Variants in SH3PXD2B observed in about 807,000 individuals in gnomAD.
SH3PXD2B encodes SH3 and PX domains 2B.
A neutral mutation model predicts 73.1 loss-of-function variants in SH3PXD2B; 37 were observed. The observed-to-expected ratio is 0.51, with a 90% CI of 0.39 to 0.67. SH3PXD2B has a LOEUF of 0.67. Ranked by LOEUF, SH3PXD2B falls within the 30% of genes least tolerant of loss-of-function variation. The pLI is 0.00. For missense variants in SH3PXD2B, 1,053 were observed against 1,197.8 expected, an observed-to-expected ratio of 0.88 and a Z score of 1.78; for synonymous variants, 457 against 480.5, an observed-to-expected ratio of 0.95 and a Z score of 0.64.
intron 1 of SH3PXD2B, among the ~76,000 whole-genome samples, chr5:172,431,885 C>G (rs188316338): frequency 6.6e-6 from 1 of 152,074 alleles, no homozygotes; most frequent in East Asian, 1.9e-4. Context: ...TTATTTAGGC[C>G]GGGCGCAGTG....
In SH3PXD2B at chr5:172,339,192, G is replaced by A. The variant is rs1192140778; in HGVS notation, c.1913C>T (p.Ser638Phe). 1 of 1,614,244 alleles carries A rather than the reference G, an allele frequency of 6.2e-7. No individual in the cohort carries two copies. The highest frequency in any genetic ancestry group is 1.1e-5 in the South Asian group (1 of 91,080). Residue 638 changes from serine (S) to phenylalanine (F), a missense_variant, in exon 13 of 13, where the codon TCC becomes TTC. Physicochemically the swap from Ser to Phe is radical, Grantham distance 155 (BLOSUM62 -2). Transcript: ENST00000311601. This position sits in a 1 kb window ranked among gnomAD's most constrained non-coding sequence, Gnocchi z 6.1. Reference protein sequence around the residue: ...DATPQNPFLKSRPQVRPKPAP... With the variant: ...DATPQNPFLKFRPQVRPKPAP... ...TGGTTTTGGCCTAACCTGAGGTCTGGACTTCAAGAAGGGATTCTGGGGAGT... is the reference window on the plus strand; with the variant it reads ...TGGTTTTGGCCTAACCTGAGGTCTGAACTTCAAGAAGGGATTCTGGGGAGT...
At chr5:172,328,048 C>G (rs964092462) in intron 12 of SH3PXD2B, among the ~76,000 whole-genome samples, 1 of 95,908 alleles carries the variant, frequency 1.0e-5, no homozygotes, top group African/African-American at 3.4e-5. Context: ...AGCCACCACG[C>G]CCAGCTGTAA....
At chr5:172,377,185 G>T (rs1161750567) in intron 5 of SH3PXD2B, among the ~76,000 whole-genome samples, 1 of 152,162 alleles carries the variant, frequency 6.6e-6, no homozygotes, top group African/African-American at 2.4e-5. Flanking sequence ...GCTCAAGCAG[G>T]TGGGTCATCT....
intron 1 of SH3PXD2B, among the ~76,000 whole-genome samples, chr5:172,428,571 A>G (rs1029535708): frequency 2.6e-5 from 4 of 152,184 alleles, no homozygotes; most frequent in African/African-American, 9.7e-5. Context: ...ACACGGTATC[A>G]AAGTATAACC....
At position 172,454,494 on chromosome 5, in the gene SH3PXD2B, A is replaced by ACCGCCGCCG. The variant is rs1189213273; in HGVS notation, c.-151_-143dup. 4.3e-6 allele frequency: 1 copy of ACCGCCGCCG among 230,104 alleles called. No individual in the cohort carries two copies. Among genetic ancestry groups the ACCGCCGCCG allele is most frequent in the African/African-American group, 2.4e-5 (1 of 41,332 alleles). 14.3% of individuals were successfully genotyped at this position (230,104 alleles called of 1,614,324 possible). A position where few individuals can be genotyped will look rare whatever the true frequency, so the allele number is the denominator to read the frequency against. Reference sequence around the variant, plus strand: ...GGGCCGAGCACGAGCCGCCGCCGCCACCGCCGCCGCCCTTCGCTCGGCGCG... The same window carrying ACCGCCGCCG: ...GGGCCGAGCACGAGCCGCCGCCGCCACCGCCGCCGCCGCCGCCGCCCTTCGCTCGGCGCG... On this transcript the variant is annotated 5_prime_UTR_variant, in exon 1 of 13. Transcript: ENST00000311601.
chr5:172,372,207 G>C (rs1340933718), intron 6 of SH3PXD2B, among the ~76,000 whole-genome samples: 2 of 152,104 alleles, frequency 1.3e-5, no homozygotes, highest in African/African-American at 4.8e-5. Flanking sequence ...TTGGAGGTGG[G>C]GGCTGGTGGG....
chr5:172,334,384 C>T lies in SH3PXD2B; in HGVS notation c.*3985G>A, dbSNP rs1756637976. ...GCCAAGAGAGGGCGCCCTGCACCCTCAGGCCTCGATGCATGCTGCTCTACC... is the reference window on the plus strand; with the variant it reads ...GCCAAGAGAGGGCGCCCTGCACCCTTAGGCCTCGATGCATGCTGCTCTACC... On this transcript the variant is annotated 3_prime_UTR_variant, in exon 13 of 13. Coordinates refer to ENST00000311601, the MANE Select transcript of SH3PXD2B (RefSeq NM_001017995.3). The T allele has an allele frequency of 1.0e-6, 1 of 992,050 alleles. No homozygotes were observed. Among genetic ancestry groups the T allele is most frequent in the African/African-American group, 1.7e-5 (1 of 57,294 alleles). 61.5% of individuals were successfully genotyped at this position (992,050 alleles called of 1,614,324 possible). A position where few individuals can be genotyped will look rare whatever the true frequency, so the allele number is the denominator to read the frequency against.
chr5:172,348,693 A>G (rs1195686346), intron 10 of SH3PXD2B, among the ~76,000 whole-genome samples: 2 of 39,424 alleles, frequency 5.1e-5, no homozygotes, highest in African/African-American at 1.4e-4. Flanking sequence ...CTATCTATCT[A>G]TCTATCTATC....
chr5:172,418,307 C>G (rs868224377), intron 2 of SH3PXD2B, among the ~76,000 whole-genome samples: 4 of 152,214 alleles, frequency 2.6e-5, no homozygotes, highest in Non-Finnish European at 5.9e-5. Flanking sequence ...CCAGCTGTTT[C>G]TATTGTTTTC....
At chr5:172,325,938 C>A (rs528345681) in intron 12 of SH3PXD2B, among the ~76,000 whole-genome samples, 21 of 152,250 alleles carry the variant, frequency 1.4e-4, no homozygotes, top group Non-Finnish European at 2.6e-4. Flanking sequence ...CAGGCATATG[C>A]CGCCAGACCT....
At chr5:172,452,440 AG>A (rs1386450970) in intron 1 of SH3PXD2B, among the ~76,000 whole-genome samples, 1 of 152,170 alleles carries the variant, frequency 6.6e-6, no homozygotes, top group African/African-American at 2.4e-5. Context: ...GAGAAACTAT[AG>A]GGGTACCGGA....
chr5:172,334,334 C>T lies in SH3PXD2B; in HGVS notation c.*4035G>A, dbSNP rs17074644. 0.096 allele frequency: 95,273 copies of T among 995,992 alleles called. 4,650 individuals are homozygous for T. The highest frequency in any genetic ancestry group is 0.13 in the African/African-American group (7,316 of 57,380). 61.7% of individuals were successfully genotyped at this position (995,992 alleles called of 1,614,324 possible). A position where few individuals can be genotyped will look rare whatever the true frequency, so the allele number is the denominator to read the frequency against. ...TGCCTGGGACCCTCGTGGAAACTTA[C>T]TCTAGTTAGGAGCAATTCCTCCAGG... On this transcript the variant is annotated 3_prime_UTR_variant, in exon 13 of 13. Transcript: ENST00000311601.
intron 1 of SH3PXD2B, among the ~76,000 whole-genome samples, chr5:172,423,459 GGA>G (rs989052419): frequency 1.3e-5 from 2 of 151,182 alleles, no homozygotes; most frequent in South Asian, 2.1e-4. Context: ...ACGGTTAGAA[GGA>G]GAGACAATGC....
chr5:172,368,707 A>T (rs1238683301), intron 6 of SH3PXD2B, among the ~76,000 whole-genome samples: 17 of 86,478 alleles, frequency 2.0e-4, no homozygotes, highest in Non-Finnish European at 3.4e-4. Flanking sequence ...AAATATATAT[A>T]TATTATATAT....
chr5:172,326,030 G>A (rs1012654478), intron 12 of SH3PXD2B, among the ~76,000 whole-genome samples: 2 of 152,070 alleles, frequency 1.3e-5, no homozygotes, highest in African/African-American at 2.4e-5. Flanking sequence ...CAGGTGATCC[G>A]CCTGCCTCAG....
intron 4 of SH3PXD2B, among the ~76,000 whole-genome samples, chr5:172,385,012 G>A (rs545506541): frequency 5.3e-5 from 8 of 152,294 alleles, no homozygotes; most frequent in Admixed American, 4.6e-4. Context: ...TGTTTCCAGA[G>A]TTGAATCAGG....
Position 172,353,618 on chromosome 5 carries a change from G to A in SH3PXD2B, c.785+270C>T, listed in dbSNP as rs143762737. On this transcript the variant is annotated intron_variant, in intron 9 of 12. Coordinates refer to ENST00000311601, the MANE Select transcript of SH3PXD2B (RefSeq NM_001017995.3). This position sits in a 1 kb window ranked among gnomAD's most constrained non-coding sequence, Gnocchi z 4.3. ...CTCATTATGAGAAACATCTGGAGGT[G>A]GAAACCAGCCTTGCTTAATGGGGTT... Among the ~76,000 whole-genome samples the A allele has an allele frequency of 4.9e-4, 75 of 152,286 alleles. No individual in the cohort carries two copies. The highest frequency in any genetic ancestry group is 1.8e-3 in the African/African-American group (73 of 41,562).
chr5:172,357,141 A>AG (rs1411445681), intron 8 of SH3PXD2B, among the ~76,000 whole-genome samples: 1 of 136,262 alleles, frequency 7.3e-6, no homozygotes. Context: ...AAAAAAAAAA[A>AG]GGGCCAGGCG....
intron 1 of SH3PXD2B, among the ~76,000 whole-genome samples, chr5:172,439,017 T>A (rs1759456978): frequency 6.6e-6 from 1 of 150,954 alleles, no homozygotes; most frequent in Non-Finnish European, 1.5e-5. Flanking sequence ...GGCGGGCAGA[T>A]CACCTGAGGT....
Sources: allele counts gnomAD v4.1 joint callset (sites outside exome capture counted in the v4.1 genomes callset), GRCh38; gene constraint gnomAD v4.1.1; non-coding constraint Gnocchi (gnomAD v3.1); transcripts MANE v1.5; gene names NCBI Gene and HGNC (gene_info 2026-07-23, HGNC 2026-07-21).